Variants in KDM2B observed in about 807,000 individuals in gnomAD.
KDM2B encodes the protein lysine demethylase 2B.
In KDM2B, 26 loss-of-function variants were observed where a neutral mutation model predicts 150.0. The observed-to-expected ratio is 0.17, with a 90% CI of 0.13 to 0.24. The LOEUF (loss-of-function observed/expected upper bound fraction) is 0.24, where lower values mean the gene tolerates loss of function less well. Ranked by LOEUF, KDM2B falls within the 10% of genes least tolerant of loss-of-function variation. The probability of loss-of-function intolerance (pLI) is 1.00; values close to 1 mark genes in which losing one functional copy is unlikely to be tolerated. For missense variants in KDM2B, 1,265 were observed against 1,816.9 expected, an observed-to-expected ratio of 0.70 and a Z score of 5.52; for synonymous variants, 734 against 729.5, an observed-to-expected ratio of 1.01 and a Z score of -0.10.
chr12:121,440,125 C>A (rs1555287850), intron 21 of KDM2B, 50 bp from the exon 22 acceptor site: 1 of 1,401,026 alleles, frequency 7.1e-7, no homozygotes, highest in East Asian at 2.5e-5. Context: ...CCGAGGAGGC[C>A]TGGTCATGCT....
At chr12:121,433,835 G>A (rs971033632) in intron 22 of KDM2B, among the ~76,000 whole-genome samples, 2 of 152,282 alleles carry the variant, frequency 1.3e-5, no homozygotes, top group East Asian at 3.9e-4. Context: ...CTTGAACCCA[G>A]GAGTATGATT....
At chr12:121,445,941 T>G (rs888801504) in intron 13 of KDM2B, among the ~76,000 whole-genome samples, 1 of 152,106 alleles carries the variant, frequency 6.6e-6, no homozygotes, top group Non-Finnish European at 1.5e-5. Context: ...ACAGAAAGGT[T>G]AGGAGGTCAG....
intron 11 of KDM2B, 57 bp from the exon 12 acceptor site, chr12:121,494,722 C>A: frequency 7.5e-7 from 1 of 1,326,938 alleles, no homozygotes; most frequent in South Asian, 1.3e-5. Flanking sequence ...TCTCTGAAGA[C>A]AGCTGAACAG....
At chr12:121,579,956 A>G in intron 1 of KDM2B, 1 of 1,485,908 alleles carries the variant, frequency 6.7e-7, no homozygotes, top group Non-Finnish European at 8.9e-7. Flanking sequence ...AAAAAAAAAA[A>G]AAAAGATCTA....
chr12:121,417,735 C>A, the KDM2B span: 2 of 1,614,142 alleles, frequency 1.2e-6, no homozygotes, highest in Non-Finnish European at 1.7e-6. This position sits in a 1 kb window ranked among gnomAD's most constrained non-coding sequence, Gnocchi z 5.0. Context: ...CCATCATGGA[C>A]TAGGCTCTGA....
downstream of KDM2B, among the ~76,000 whole-genome samples, chr12:121,428,764 C>A (rs1872644738): frequency 6.6e-6 from 1 of 152,192 alleles, no homozygotes; most frequent in African/African-American, 2.4e-5. Flanking sequence ...CACCTCATGA[C>A]CAAGTGTTTC....
intron 8 of KDM2B, 127 bp downstream of exon 8, chr12:121,532,679 G>C: frequency 1.1e-6 from 1 of 931,556 alleles, no homozygotes. Flanking sequence ...CCCACGGCTG[G>C]CTCCCCTCGG....
Position 121,430,477 on chromosome 12 carries a change from G to A in KDM2B, c.3830-8C>T, listed in dbSNP as rs2137363674. 2 of 1,608,342 alleles carry A rather than the reference G, an allele frequency of 1.2e-6. No homozygotes were observed. Among genetic ancestry groups the A allele is most frequent in the Non-Finnish European group, 1.7e-6 (2 of 1,174,718 alleles). ...CAGTGACCTTATTGCAGTCTGCAGA[G>A]AAGAAATAGTAATGTGAGGTGTGAA... On this transcript the variant is annotated splice_region_variant and splice_polypyrimidine_tract_variant and intron_variant, in intron 22 of 22. Coordinates refer to ENST00000377071, the MANE Select transcript of KDM2B (RefSeq NM_032590.5). This position sits in a 1 kb window ranked among gnomAD's most constrained non-coding sequence, Gnocchi z 4.4.
intron 6 of KDM2B, among the ~76,000 whole-genome samples, chr12:121,541,960 A>T (rs1380225942): frequency 6.6e-6 from 1 of 152,194 alleles, no homozygotes; most frequent in African/African-American, 2.4e-5. Context: ...GCTTTGAAAC[A>T]TGTCTACAAA....
At chr12:121,578,427 C>G (rs959744875) in intron 2 of KDM2B, among the ~76,000 whole-genome samples, 1 of 152,206 alleles carries the variant, frequency 6.6e-6, no homozygotes, top group African/African-American at 2.4e-5. Context: ...GAACCCAGTT[C>G]CAGCCAGGCG....
At chr12:121,479,613 C>A (rs183986547) in intron 12 of KDM2B, among the ~76,000 whole-genome samples, 2 of 151,846 alleles carry the variant, frequency 1.3e-5, no homozygotes, top group East Asian at 3.9e-4. Flanking sequence ...ACTGTGACTC[C>A]ATTTTTCTCT....
the KDM2B span, chr12:121,423,546 G>A: frequency 6.2e-7 from 1 of 1,614,164 alleles, no homozygotes; most frequent in Non-Finnish European, 8.5e-7. This position sits in a 1 kb window ranked among gnomAD's most constrained non-coding sequence, Gnocchi z 4.3. Flanking sequence ...GGCAGTATGT[G>A]GTGCGAGCCG....
the KDM2B span, among the ~76,000 whole-genome samples, chr12:121,409,273 C>G: frequency 6.6e-6 from 1 of 152,176 alleles, no homozygotes; most frequent in South Asian, 2.1e-4. Flanking sequence ...GACCACAACA[C>G]TTGGCCAAAA....
In KDM2B at chr12:121,580,770, C is replaced by T. The variant is rs1555317885; in HGVS notation, c.126+16G>A. ...CCCTCTTCCTCTTCTTTCATCCACCCCTCCCCCAACATTACCTGTGTGGCC... is the reference window on the plus strand; with the variant it reads ...CCCTCTTCCTCTTCTTTCATCCACCTCTCCCCCAACATTACCTGTGTGGCC... On this transcript the variant is annotated intron_variant, in intron 1 of 22. Coordinates refer to ENST00000377071, the MANE Select transcript of KDM2B (RefSeq NM_032590.5). 4.3e-6 allele frequency: 7 copies of T among 1,612,454 alleles called. No individual in the cohort carries two copies. Among genetic ancestry groups the T allele is most frequent in the African/African-American group, 1.3e-5 (1 of 74,892 alleles).
intron 8 of KDM2B, 38 bp downstream of exon 8, chr12:121,532,768 A>AGACTCGAGGAGCCCAGAGAGT: frequency 6.2e-7 from 1 of 1,608,782 alleles, no homozygotes; most frequent in East Asian, 2.2e-5. Flanking sequence ...AGGCCGCAGG[A>AGACTCGAGGAGCCCAGAGAGT]GACTCGAGGA....
At chr12:121,472,825 G>A (rs1261610233) in intron 12 of KDM2B, among the ~76,000 whole-genome samples, 5 of 152,032 alleles carry the variant, frequency 3.3e-5, no homozygotes, top group African/African-American at 1.2e-4. Flanking sequence ...GACACAAGTG[G>A]GTTCACTTTA....
At chr12:121,579,621 C>T (rs1891787886) in intron 1 of KDM2B, 3 of 1,320,018 alleles carry the variant, frequency 2.3e-6, no homozygotes, top group East Asian at 4.8e-5. Flanking sequence ...CCAGCAGCTG[C>T]CTCATCTCCC....
chr12:121,580,875 G>T lies in KDM2B; in HGVS notation c.37C>A (p.His13Asn). 4.3e-6 allele frequency: 7 copies of T among 1,614,010 alleles called. No homozygotes were observed. Among genetic ancestry groups the T allele is most frequent in the Non-Finnish European group, 5.9e-6 (7 of 1,179,958 alleles). The change falls in exon 1 of 23, where the codon CAC becomes AAC. Residue 13 changes from histidine (H) to asparagine (N), a missense_variant. His to Asn is a moderately conservative substitution (Grantham distance 68). Transcript: ENST00000377071. ...GCTGCATGTCTTTTTCGTGGGGGGT[G>T]ATCCTCTGCAGATCCCCCCATTTGC... is the stretch of plus-strand genomic sequence containing the variant. ...GPQMGGSAEDHPPRKRHAAEK... is the reference protein window; with the variant it reads ...GPQMGGSAEDNPPRKRHAAEK...
At chr12:121,560,038 T>C (rs1890227874) in intron 4 of KDM2B, among the ~76,000 whole-genome samples, 1 of 152,158 alleles carries the variant, frequency 6.6e-6, no homozygotes, top group South Asian at 2.1e-4. Flanking sequence ...GACGTCTCGC[T>C]CTATCACCCA....
Sources: gnomAD v4.1 joint callset for allele counts (sites outside exome capture counted in the v4.1 genomes callset) on GRCh38, gnomAD v4.1.1 for gene constraint, Gnocchi (gnomAD v3.1) non-coding constraint, MANE v1.5 for transcripts, NCBI Gene and HGNC (gene_info 2026-07-23, HGNC 2026-07-21) for gene names.